Variants in ARNT2 observed in about 807,000 individuals in gnomAD.
ARNT2 encodes ARNT protein 2.
Under a neutral mutation model 91.7 loss-of-function variants are expected in ARNT2, and 36 were observed. The ratio of observed to expected loss-of-function variants is 0.39; its 90% CI spans 0.30 to 0.52. ARNT2 has a LOEUF of 0.52. Among genes scored for constraint, ARNT2 ranks in the 20% least tolerant of loss-of-function variants. The pLI is 0.72. For synonymous variants in ARNT2, 365 were observed against 347.1 expected (o/e 1.05, Z -0.57); for missense variants, 775 against 939.3 (o/e 0.83, Z 2.29).
intron 11 of ARNT2, among the ~76,000 whole-genome samples, chr15:80,559,834 G>A (rs1228166193): frequency 6.6e-6 from 1 of 152,226 alleles, no homozygotes; most frequent in Non-Finnish European, 1.5e-5. Flanking sequence ...AGGCTAAGCC[G>A]GGTTTTACGC....
At chr15:80,436,854 T>C (rs1896095651) in intron 1 of ARNT2, among the ~76,000 whole-genome samples, 1 of 152,232 alleles carries the variant, frequency 6.6e-6, no homozygotes, top group Non-Finnish European at 1.5e-5. Flanking sequence ...CCAGCGGGCA[T>C]GACTCAAGCT....
At chr15:80,498,982 T>G (rs1313844806) in intron 5 of ARNT2, among the ~76,000 whole-genome samples, 1 of 152,088 alleles carries the variant, frequency 6.6e-6, no homozygotes, top group East Asian at 1.9e-4. Context: ...GACTCCGCAG[T>G]TCTCAGCTGT....
chr15:80,523,615 ATCT>A (rs1480277555), intron 8 of ARNT2, among the ~76,000 whole-genome samples: 2 of 152,110 alleles, frequency 1.3e-5, no homozygotes, highest in African/African-American at 2.4e-5. Context: ...TCTCAAAGTG[ATCT>A]TCTTCTTACC....
chr15:80,455,215 T>C (rs1012796736), intron 2 of ARNT2, among the ~76,000 whole-genome samples: 3 of 152,176 alleles, frequency 2.0e-5, no homozygotes, highest in Non-Finnish European at 4.4e-5. Flanking sequence ...AGGGTTGCAT[T>C]GTTTTCCATG....
intron 3 of ARNT2, among the ~76,000 whole-genome samples, chr15:80,464,946 C>T (rs1034431190): frequency 1.3e-5 from 2 of 152,130 alleles, no homozygotes; most frequent in African/African-American, 4.8e-5. Context: ...CTGATGACTC[C>T]CCCAGGCTAC....
At chr15:80,519,860 A>ACT (rs1897507081) in intron 8 of ARNT2, among the ~76,000 whole-genome samples, 1 of 119,288 alleles carries the variant, frequency 8.4e-6, no homozygotes, top group African/African-American at 3.0e-5. Flanking sequence ...AATTTTTTGT[A>ACT]TTTTTTTTTT....
chr15:80,458,431 A>T (rs959042952), intron 3 of ARNT2, among the ~76,000 whole-genome samples: 2 of 152,160 alleles, frequency 1.3e-5, no homozygotes, highest in African/African-American at 2.4e-5. Flanking sequence ...CATGGAAAAT[A>T]AGAAGAGATA....
intron 12 of ARNT2, 43 bp downstream of exon 12, chr15:80,563,282 T>C: frequency 2.5e-6 from 4 of 1,610,780 alleles, no homozygotes; most frequent in Non-Finnish European, 2.5e-6. Context: ...CCACATGCGC[T>C]TGCTTGGGTC....
In ARNT2 at chr15:80,564,015, A is replaced by G. The variant is rs553707712; in HGVS notation, c.1316+776A>G. On this transcript the variant is annotated intron_variant, in intron 12 of 18. Coordinates refer to ENST00000303329, the MANE Select transcript of ARNT2 (RefSeq NM_014862.4). Reference sequence around the variant, plus strand: ...ATCTCAAGGAAATACAAGGCCAAGGAACCAACACAAAGACATTTGGACAAA... The same window carrying G: ...ATCTCAAGGAAATACAAGGCCAAGGGACCAACACAAAGACATTTGGACAAA... Among the ~76,000 whole-genome samples, 9 of 152,326 alleles carry G rather than the reference A, an allele frequency of 5.9e-5. No homozygotes were observed. The East Asian group carries it at 1.7e-3, about 29-fold the overall frequency.
intron 3 of ARNT2, among the ~76,000 whole-genome samples, chr15:80,460,476 G>A (rs1212682009): frequency 2.6e-5 from 4 of 152,192 alleles, no homozygotes; most frequent in Admixed American, 2.0e-4. Flanking sequence ...ACGCCCATAC[G>A]TGCATAGGCA....
chr15:80,474,195 A>G (rs951001923), intron 4 of ARNT2, among the ~76,000 whole-genome samples: 2 of 152,174 alleles, frequency 1.3e-5, no homozygotes, highest in African/African-American at 4.8e-5. Context: ...TGCCCCATCC[A>G]CGTCCTTCTG....
intron 11 of ARNT2, among the ~76,000 whole-genome samples, chr15:80,562,573 C>T (rs772379963): frequency 2.6e-5 from 4 of 152,154 alleles, no homozygotes; most frequent in Non-Finnish European, 5.9e-5. Context: ...AGAAAGTGAT[C>T]ATTTCATTAC....
At chr15:80,574,053 C>T (rs2141475904) in intron 12 of ARNT2, 95 bp from the exon 13 acceptor site, 1 of 932,646 alleles carries the variant, frequency 1.1e-6, no homozygotes, top group Non-Finnish European at 1.8e-6. Flanking sequence ...CGGATATCAC[C>T]CACTCTGCCT....
At chr15:80,440,593 G>A (rs935917619) in intron 1 of ARNT2, among the ~76,000 whole-genome samples, 2 of 152,188 alleles carry the variant, frequency 1.3e-5, no homozygotes, top group African/African-American at 4.8e-5. Flanking sequence ...ACCTGAGCCA[G>A]CACTGTTAGC....
intron 2 of ARNT2, among the ~76,000 whole-genome samples, chr15:80,457,339 C>T (rs1377593892): frequency 6.6e-6 from 1 of 152,168 alleles, no homozygotes; most frequent in Admixed American, 6.5e-5. Flanking sequence ...GTTTGTGGTC[C>T]TGGATTTAAT....
intron 3 of ARNT2, among the ~76,000 whole-genome samples, chr15:80,469,095 A>C (rs548851000): frequency 6.6e-6 from 1 of 152,324 alleles, no homozygotes; most frequent in South Asian, 2.1e-4. Context: ...TAAATCCTGC[A>C]GCAGACATGG....
At chr15:80,546,109 C>T (rs773469629) in intron 8 of ARNT2, among the ~76,000 whole-genome samples, 8 of 152,118 alleles carry the variant, frequency 5.3e-5, no homozygotes, top group East Asian at 3.8e-4. Context: ...AGTTTTGCTG[C>T]GTATAACAGA....
At chr15:80,516,231 A>G (rs767163932) in intron 8 of ARNT2, among the ~76,000 whole-genome samples, 15 of 152,236 alleles carry the variant, frequency 9.9e-5, no homozygotes, top group Non-Finnish European at 1.6e-4. Flanking sequence ...GTTGAGGGCA[A>G]CTATGTTTTT....
intron 6 of ARNT2, among the ~76,000 whole-genome samples, chr15:80,511,184 T>C (rs1897335321): frequency 6.6e-6 from 1 of 152,196 alleles, no homozygotes; most frequent in Non-Finnish European, 1.5e-5. Flanking sequence ...CACCATGGAA[T>C]ACTATACAGT....
Sources: gnomAD v4.1 joint callset for allele counts (sites outside exome capture counted in the v4.1 genomes callset) on GRCh38, gnomAD v4.1.1 for gene constraint, MANE v1.5 for transcripts, NCBI Gene and HGNC (gene_info 2026-07-23, HGNC 2026-07-21) for gene names.